Variants in SLIT3 observed in about 807,000 individuals in gnomAD.
SLIT3 encodes the protein slit homolog 3 protein.
SLIT3 carries 68 observed loss-of-function variants against 184.0 expected under a neutral mutation model. That is an observed-to-expected ratio of 0.37 (90% CI 0.30 to 0.45). The LOEUF (loss-of-function observed/expected upper bound fraction) is 0.45, where lower values mean the gene tolerates loss of function less well. Ranked by LOEUF, SLIT3 falls within the 20% of genes least tolerant of loss-of-function variation. The pLI is 1.00. For missense variants in SLIT3, 1,707 were observed against 2,026.0 expected (o/e 0.84, Z 3.02); for synonymous variants, 831 against 828.6 (o/e 1.00, Z -0.05).
chr5:169,146,425 C>T (rs1761928547), intron 4 of SLIT3, among the ~76,000 whole-genome samples: 2 of 152,210 alleles, frequency 1.3e-5, no homozygotes, highest in Non-Finnish European at 2.9e-5. Context: ...CTGATGCCTC[C>T]CGGGATTCCA....
intron 4 of SLIT3, among the ~76,000 whole-genome samples, chr5:168,963,707 T>C (rs1763090204): frequency 2.6e-5 from 4 of 152,228 alleles, no homozygotes; most frequent in African/African-American, 7.2e-5. Context: ...AGGCGTCTGA[T>C]AGGCAGTTGC....
chr5:168,956,337 C>T (rs931904281), intron 4 of SLIT3, among the ~76,000 whole-genome samples: 1 of 152,116 alleles, frequency 6.6e-6, no homozygotes, highest in African/African-American at 2.4e-5. Context: ...AAGATGTTCT[C>T]CGTATGTGAG....
chr5:168,810,000 C>T (rs76509981), intron 8 of SLIT3, among the ~76,000 whole-genome samples: 2 of 152,272 alleles, frequency 1.3e-5, no homozygotes, highest in Admixed American at 1.3e-4. Context: ...TTGTCCAAGT[C>T]ACCTGGGGCC....
chr5:169,118,198 A>AT, intron 4 of SLIT3, among the ~76,000 whole-genome samples: 1 of 152,320 alleles, frequency 6.6e-6, no homozygotes, highest in South Asian at 2.1e-4. Context: ...TGTTTAAATG[A>AT]TTTTTTGAAA....
At chr5:168,970,358 G>A (rs1014309784) in intron 4 of SLIT3, among the ~76,000 whole-genome samples, 2 of 151,944 alleles carry the variant, frequency 1.3e-5, no homozygotes, top group African/African-American at 4.8e-5. Context: ...AGCCAAGCGT[G>A]GTGGCACATG....
Position 169,173,372 on chromosome 5 carries a change from C to T in SLIT3, c.413+20107G>A, listed in dbSNP as rs143863404. Among the ~76,000 whole-genome samples the T allele has an allele frequency of 1.5e-3, 235 of 152,162 alleles. 1 individual carries two copies. Among genetic ancestry groups the T allele is most frequent in the Admixed American group, 3.9e-3 (59 of 15,294 alleles). ...AGAAGAGAAAACATGGTAACTGAAC[C>T]GCAAAAGGCTAGGACTGAAAGGAGT... On this transcript the variant is annotated intron_variant, in intron 4 of 35. Transcript: ENST00000519560.
chr5:168,754,046 G>A (rs772381895), intron 16 of SLIT3, 39 bp from the exon 17 acceptor site: 1 of 1,530,408 alleles, frequency 6.5e-7, no homozygotes, highest in South Asian at 1.2e-5. Flanking sequence ...ATCAAAAGGA[G>A]CAGATGGTCT....
At chr5:169,185,436 G>T (rs1402438993) in intron 4 of SLIT3, among the ~76,000 whole-genome samples, 1 of 152,194 alleles carries the variant, frequency 6.6e-6, no homozygotes, top group Non-Finnish European at 1.5e-5. Context: ...CTTCAGGCAG[G>T]GGGGCAGCCT....
At chr5:168,686,921 C>T (rs1359347256) in intron 30 of SLIT3, 58 bp downstream of exon 30, 1 of 1,594,662 alleles carries the variant, frequency 6.3e-7, no homozygotes, top group Admixed American at 1.7e-5. Flanking sequence ...GCCAGTCAGC[C>T]CCAGCCCCTG....
At chr5:169,108,084 G>C (rs1760284083) in intron 4 of SLIT3, among the ~76,000 whole-genome samples, 1 of 152,218 alleles carries the variant, frequency 6.6e-6, no homozygotes, top group African/African-American at 2.4e-5. Context: ...AAAAGTAGGA[G>C]CCCTGCTTGT....
chr5:169,233,717 C>G (rs1216795093), intron 3 of SLIT3, among the ~76,000 whole-genome samples: 3 of 152,134 alleles, frequency 2.0e-5, no homozygotes, highest in Non-Finnish European at 4.4e-5. Context: ...TAAATAATGG[C>G]ACTTAAATTT....
intron 4 of SLIT3, among the ~76,000 whole-genome samples, chr5:168,984,927 A>C (rs76248643): frequency 0.035 from 5,386 of 152,300 alleles, 306 homozygotes; most frequent in African/African-American, 0.12. Flanking sequence ...ACTTTCAAGC[A>C]TCCAGGTGAT....
At position 169,200,831 on chromosome 5, in the gene SLIT3, A is replaced by G. The variant is rs141374724; in HGVS notation, c.342-7281T>C. On this transcript the variant is annotated intron_variant, in intron 3 of 35. Transcript: ENST00000519560. ...CCTGCTATGCAAATTTTCATAATGC[A>G]AACTGGATGTAATCTGAGCAATTCA... 5.1e-3 allele frequency among the ~76,000 whole-genome samples: 778 copies of G among 152,294 alleles called. 4 individuals carry two copies. Among genetic ancestry groups the G allele is most frequent in the Middle Eastern group, 0.01 (3 of 294 alleles).
At chr5:168,769,101 G>A (rs1755453540) in intron 14 of SLIT3, among the ~76,000 whole-genome samples, 2 of 152,314 alleles carry the variant, frequency 1.3e-5, no homozygotes, top group South Asian at 2.1e-4. Context: ...AGTCTGAGGG[G>A]AAGACACTGA....
At chr5:168,763,830 G>A (rs1371016831) in intron 14 of SLIT3, among the ~76,000 whole-genome samples, 2 of 152,164 alleles carry the variant, frequency 1.3e-5, no homozygotes, top group African/African-American at 2.4e-5. Flanking sequence ...AACAAGAGAT[G>A]GGTCCACATT....
rs533734813 is a variant in SLIT3 at position 169,219,175 on chromosome 5, T to C, written c.341+25530A>G. Among the ~76,000 whole-genome samples, 142 of 152,134 alleles carry C rather than the reference T, an allele frequency of 9.3e-4. 1 individual carries two copies. The highest frequency in any genetic ancestry group is 3.3e-3 in the African/African-American group (138 of 41,492). ...AGCTCCAGCCCTGCCCAGGGGTGGT[T>C]TATTATCAGAAGAAAAAAGACCACA... On this transcript the variant is annotated intron_variant, in intron 3 of 35. Coordinates refer to ENST00000519560, the MANE Select transcript of SLIT3 (RefSeq NM_003062.4).
chr5:168,772,568 T>C, intron 14 of SLIT3: 1 of 560,140 alleles, frequency 1.8e-6, no homozygotes, highest in Non-Finnish European at 3.1e-6. Context: ...CCCATGCTTT[T>C]ATTGTGTGTG....
chr5:168,939,929 G>T (rs1581229432), intron 4 of SLIT3, among the ~76,000 whole-genome samples: 1 of 152,142 alleles, frequency 6.6e-6, no homozygotes, highest in Non-Finnish European at 1.5e-5. Context: ...TTTTAAAAAT[G>T]AGCCAACTGA....
chr5:168,839,285 C>T (rs1425496722), intron 6 of SLIT3, among the ~76,000 whole-genome samples: 1 of 152,120 alleles, frequency 6.6e-6, no homozygotes. Flanking sequence ...TACCCAGCGC[C>T]CAGCACTGTG....
Sources: gnomAD v4.1 joint callset for allele counts (sites outside exome capture counted in the v4.1 genomes callset) on GRCh38, gnomAD v4.1.1 for gene constraint, MANE v1.5 for transcripts, NCBI Gene and HGNC (gene_info 2026-07-23, HGNC 2026-07-21) for gene names.